The following VPS13B variants were observed in gnomAD, a reference collection of about 807,000 sequenced individuals.
VPS13B encodes vacuolar protein sorting 13 homolog B.
VPS13B carries 285 observed loss-of-function variants against 426.4 expected under a neutral mutation model. The ratio of observed to expected loss-of-function variants is 0.67; its 90% CI spans 0.61 to 0.74. VPS13B has a LOEUF of 0.74. VPS13B is among the 30% of genes least tolerant of loss of function. The pLI is 0.00. For missense variants in VPS13B, 4,537 were observed against 4,782.6 expected (o/e 0.95, Z 1.51); for synonymous variants, 1,676 against 1,676.4 (o/e 1.00, Z 0.01).
intron 3 of VPS13B, among the ~76,000 whole-genome samples, chr8:99,085,330 T>G (rs1186126283): frequency 6.6e-6 from 1 of 152,196 alleles, no homozygotes; most frequent in East Asian, 1.9e-4. Context: ...ATCCCTTTAT[T>G]TTGAGCCTAT....
intron 20 of VPS13B, among the ~76,000 whole-genome samples, chr8:99,384,549 A>G (rs1015600553): frequency 6.6e-6 from 1 of 152,184 alleles, no homozygotes; most frequent in African/African-American, 2.4e-5. Flanking sequence ...TGGCTTACAA[A>G]ACAGAAACTA....
intron 51 of VPS13B, among the ~76,000 whole-genome samples, chr8:99,828,383 T>G: frequency 7.0e-6 from 1 of 142,562 alleles, no homozygotes; most frequent in Non-Finnish European, 1.5e-5. Flanking sequence ...GAGACTAGGA[T>G]TACAACCACC....
chr8:99,536,184 G>A (rs968323513), intron 30 of VPS13B, among the ~76,000 whole-genome samples: 11 of 152,160 alleles, frequency 7.2e-5, no homozygotes, highest in African/African-American at 2.6e-4. Flanking sequence ...CCTCACCTCA[G>A]GTGAGCCGCC....
At chr8:99,810,681 G>A (rs1245445560) in intron 44 of VPS13B, among the ~76,000 whole-genome samples, 1 of 152,172 alleles carries the variant, frequency 6.6e-6, no homozygotes, top group East Asian at 1.9e-4. Context: ...AAGTAAAATG[G>A]AAAACACCAA....
At chr8:99,187,392 C>T (rs1196618646) in intron 16 of VPS13B, among the ~76,000 whole-genome samples, 1 of 152,144 alleles carries the variant, frequency 6.6e-6, no homozygotes, top group Admixed American at 6.5e-5. Flanking sequence ...AGGATAATTA[C>T]ATTCAGATTT....
chr8:99,193,275 A>G (rs1401732175), intron 17 of VPS13B, among the ~76,000 whole-genome samples: 1 of 152,164 alleles, frequency 6.6e-6, no homozygotes, highest in African/African-American at 2.4e-5. Context: ...TCATAATTGC[A>G]AAAGATTATT....
At chr8:99,857,885 T>C (rs1162191389) in intron 56 of VPS13B, among the ~76,000 whole-genome samples, 1 of 152,212 alleles carries the variant, frequency 6.6e-6, no homozygotes, top group Non-Finnish European at 1.5e-5. Flanking sequence ...TTCCAGAAAT[T>C]ATTCCCTCCT....
intron 51 of VPS13B, among the ~76,000 whole-genome samples, chr8:99,825,730 T>G (rs1814646272): frequency 6.6e-6 from 1 of 152,236 alleles, no homozygotes; most frequent in South Asian, 2.1e-4. Context: ...TTAATCCATC[T>G]TCAGTTAATT....
chr8:99,583,017 C>T (rs975897287), intron 33 of VPS13B, among the ~76,000 whole-genome samples: 10 of 152,174 alleles, frequency 6.6e-5, no homozygotes, highest in Non-Finnish European at 1.2e-4. Context: ...CTCTCACTAA[C>T]GCACACCCCA....
At chr8:99,622,537 A>C (rs896605129) in intron 33 of VPS13B, among the ~76,000 whole-genome samples, 48 of 152,364 alleles carry the variant, frequency 3.2e-4, no homozygotes, top group African/African-American at 1.1e-3. Flanking sequence ...GAGATATGCA[A>C]CACAATTTTA....
chr8:99,190,254 G>C (rs10955206), intron 16 of VPS13B, among the ~76,000 whole-genome samples: 106,828 of 151,638 alleles, frequency 0.7, 38,520 homozygotes, highest in Middle Eastern at 0.82. Context: ...TGTGGTGTTT[G>C]TTTTGCTCGT....
At chr8:99,855,446 A>T (rs1816499519) in intron 56 of VPS13B, among the ~76,000 whole-genome samples, 1 of 152,182 alleles carries the variant, frequency 6.6e-6, no homozygotes, top group African/African-American at 2.4e-5. Context: ...TCGGCATCAC[A>T]GTGTGTGTTC....
intron 34 of VPS13B, among the ~76,000 whole-genome samples, chr8:99,653,301 G>T (rs1829895740): frequency 6.6e-6 from 1 of 152,154 alleles, no homozygotes; most frequent in Non-Finnish European, 1.5e-5. Flanking sequence ...CCTGGCCTTT[G>T]TGACTCCCAT....
chr8:99,626,644 C>A (rs147262434), intron 33 of VPS13B, among the ~76,000 whole-genome samples: 35 of 152,126 alleles, frequency 2.3e-4, no homozygotes, highest in African/African-American at 8.4e-4. Flanking sequence ...AACAAGTTTG[C>A]GAGGATGCGG....
At chr8:99,719,150 T>A (rs1281123843) in intron 37 of VPS13B, among the ~76,000 whole-genome samples, 1 of 152,192 alleles carries the variant, frequency 6.6e-6, no homozygotes, top group African/African-American at 2.4e-5. Flanking sequence ...GTCTTACCTT[T>A]TTTCCAAGGC....
rs1198756956 is a variant in VPS13B, at chr8:99,876,269, C to CTTG, written c.*606_*608dup. 2 of 154,254 alleles carry CTTG rather than the reference C, an allele frequency of 1.3e-5. No homozygotes were observed. Among genetic ancestry groups the CTTG allele is most frequent in the Non-Finnish European group, 1.4e-5 (1 of 69,426 alleles). The allele number at this position is 154,254 out of a possible 1,614,324, so 9.6% of individuals were successfully genotyped here. ...AAATGAAATGCTTAGGACTTTGTGG[C>CTTG]TTGTTACATTTGTCATTTAACTGCA... On this transcript the variant is annotated 3_prime_UTR_variant, in exon 62 of 62. Coordinates refer to ENST00000357162, the MANE Select transcript of VPS13B (RefSeq NM_152564.5).
Position 99,175,824 on chromosome 8 carries a change from A to G in VPS13B, c.2333+5661A>G, listed in dbSNP as rs576212733. Among the ~76,000 whole-genome samples, 42 of 152,332 alleles carry G rather than the reference A, an allele frequency of 2.8e-4. 1 individual carries two copies. In the East Asian group the frequency reaches 6.0e-3, roughly 22 times the overall value. On this transcript the variant is annotated intron_variant, in intron 16 of 61. Transcript: ENST00000357162. Reference sequence around the variant, plus strand: ...GCACACAAATGCTTAGGGACCACACATGGCACCATTCAGAGCTGATAGAAA... The same window carrying G: ...GCACACAAATGCTTAGGGACCACACGTGGCACCATTCAGAGCTGATAGAAA...
chr8:99,651,280 T>C (rs1217054218), intron 34 of VPS13B, among the ~76,000 whole-genome samples: 1 of 152,170 alleles, frequency 6.6e-6, no homozygotes, highest in African/African-American at 2.4e-5. Context: ...AGAGTATAAT[T>C]CATATTCTGC....
intron 33 of VPS13B, among the ~76,000 whole-genome samples, chr8:99,626,495 G>T (rs963604281): frequency 2.0e-5 from 3 of 152,186 alleles, no homozygotes; most frequent in African/African-American, 7.2e-5. Flanking sequence ...GGTTTCTTTG[G>T]AAGGGGTGAT....
Sources: allele counts gnomAD v4.1 joint callset (sites outside exome capture counted in the v4.1 genomes callset), GRCh38; gene constraint gnomAD v4.1.1; transcripts MANE v1.5; gene names NCBI Gene and HGNC (gene_info 2026-07-23, HGNC 2026-07-21).